APOBEC3D: variants seen among roughly 807,000 people sequenced by gnomAD.
The protein encoded by APOBEC3D is apolipoprotein B mRNA editing enzyme catalytic subunit 3D, also known as DNA dC->dU-editing enzyme APOBEC-3D.
A neutral mutation model predicts 45.6 loss-of-function variants in APOBEC3D; 37 were observed. The observed-to-expected ratio is 0.81, with a 90% CI of 0.62 to 1.07. The LOEUF is 1.07. Among genes scored for constraint, APOBEC3D ranks in the 50% least tolerant of loss-of-function variants. The pLI, the probability that APOBEC3D is intolerant of heterozygous loss-of-function variation, is 0.00. For synonymous variants in APOBEC3D, 175 were observed against 180.7 expected (o/e 0.97, Z 0.25); for missense variants, 496 against 495.3 (o/e 1.00, Z -0.01).
Position 39,029,352 on chromosome 22 carries a change from T to A in APOBEC3D, c.606-11T>A, listed in dbSNP as rs777893956. 6.2e-7 allele frequency: 1 copy of A among 1,614,056 alleles called. No homozygotes were observed. The highest frequency in any genetic ancestry group is 8.5e-7 in the Non-Finnish European group (1 of 1,179,938). The stretch of plus-strand genomic sequence containing the variant: ...AATCTCTGCACTGGGGTTTCTCTCT[T>A]GTGCCCTCAGAAACCCGATGGAGGC... On this transcript the variant is annotated splice_polypyrimidine_tract_variant and intron_variant, in intron 4 of 6. Coordinates refer to ENST00000216099, the MANE Select transcript of APOBEC3D (RefSeq NM_152426.4).
rs561421202 is a variant in APOBEC3D at position 39,028,987 on chromosome 22, G to A, written c.606-376G>A. 5.8e-4 allele frequency among the ~76,000 whole-genome samples: 89 copies of A among 152,222 alleles called. 1 individual carries two copies. The South Asian group carries it at 0.011, about 20-fold the overall frequency. The stretch of plus-strand genomic sequence containing the variant: ...TATAAAAATAATCATCATCATCATC[G>A]GACAGGTGAAATGTGAGGAAGGAAT... On this transcript the variant is annotated intron_variant, in intron 4 of 6. Transcript: ENST00000216099.
chr22:39,021,660 C>T lies in APOBEC3D; in HGVS notation c.17+124C>T, dbSNP rs1925123005. ...CCTGGACTTCCTTCCCTCTGGCTTC[C>T]CTGCCGCCCCCACTCCCAGCCAGAC... On this transcript the variant is annotated intron_variant, in intron 1 of 6. Coordinates refer to ENST00000216099, the MANE Select transcript of APOBEC3D (RefSeq NM_152426.4). The T allele has an allele frequency of 5.9e-6, 8 of 1,349,674 alleles. No individual in the cohort carries two copies. The South Asian group carries it at 8.4e-5, about 14-fold the overall frequency. 83.6% of individuals were successfully genotyped at this position (1,349,674 alleles called of 1,614,324 possible).
chr22:39,032,331 C>G lies in APOBEC3D; in HGVS notation c.*15C>G. The G allele has an allele frequency of 1.2e-6, 2 of 1,613,076 alleles. No individual in the cohort carries two copies. Among genetic ancestry groups the G allele is most frequent in the Non-Finnish European group, 1.7e-6 (2 of 1,179,466 alleles). On this transcript the variant is annotated 3_prime_UTR_variant, in exon 7 of 7. Coordinates refer to ENST00000216099, the MANE Select transcript of APOBEC3D (RefSeq NM_152426.4). ...TTCTCCAGTGAGGGGTCTCCCTGGG[C>G]CTCATGGTCTGTCTCTTCTAGCCTC...
chr22:39,031,094 G>A (rs1340796341), intron 5 of APOBEC3D, among the ~76,000 whole-genome samples: 3 of 151,904 alleles, frequency 2.0e-5, no homozygotes, highest in African/African-American at 4.8e-5. Context: ...TGAACCCAAG[G>A]GGCAGAAGTT....
intron 5 of APOBEC3D, 121 bp downstream of exon 5, chr22:39,029,640 T>TA: frequency 1.3e-5 from 15 of 1,143,564 alleles, no homozygotes; most frequent in Non-Finnish European, 1.7e-5. Context: ...TACATTTCTT[T>TA]CTTTTTTTTT....
chr22:39,031,224 T>C (rs1200078679), intron 5 of APOBEC3D, among the ~76,000 whole-genome samples: 1 of 151,768 alleles, frequency 6.6e-6, no homozygotes, highest in East Asian at 1.9e-4. Flanking sequence ...GGAAACTCAA[T>C]GAATAAAACG....
intron 4 of APOBEC3D, among the ~76,000 whole-genome samples, chr22:39,025,923 C>T (rs1399099053): frequency 6.6e-6 from 1 of 152,184 alleles, no homozygotes; most frequent in Non-Finnish European, 1.5e-5. Flanking sequence ...AGGCTGCCCT[C>T]CCCACAGCCT....
rs763859536 is a variant in APOBEC3D at position 39,031,951 on chromosome 22, C to T, written c.1020C>T (p.Ser340=). 46 of 1,614,012 alleles carry T rather than the reference C, an allele frequency of 2.9e-5. No individual in the cohort carries two copies. The highest frequency in any genetic ancestry group is 3.2e-5 in the Non-Finnish European group (38 of 1,180,034). The change falls in exon 6 of 7, where the codon TCC becomes TCT. Residue 340 remains serine, a synonymous_variant. Transcript: ENST00000216099. ...GCAGCCTGAGTCAGGAAGGGGCCTC[C>T]GTGAAGATCATGGGCTACAAAGGTG... is the stretch of plus-strand genomic sequence containing the variant. The part of the protein sequence containing the change: ...GLCSLSQEGA[S]VKIMGYKDFV...
intron 1 of APOBEC3D, among the ~76,000 whole-genome samples, chr22:39,022,148 A>G (rs1378037339): frequency 6.6e-6 from 1 of 152,234 alleles, no homozygotes; most frequent in Non-Finnish European, 1.5e-5. Flanking sequence ...AAATGCTCTT[A>G]TTTTAAATTT....
chr22:39,027,538 G>A (rs183583104), intron 4 of APOBEC3D, among the ~76,000 whole-genome samples: 88 of 152,298 alleles, frequency 5.8e-4, no homozygotes, highest in African/African-American at 1.9e-3. Context: ...CAGCGCAGGT[G>A]TCTCCTGGAA....
chr22:39,023,848 T>G (rs6001388), intron 2 of APOBEC3D, among the ~76,000 whole-genome samples: 5,211 of 152,134 alleles, frequency 0.034, 308 homozygotes, highest in African/African-American at 0.12. Flanking sequence ...CTCATCACAG[T>G]TTGGTGAACC....
Position 39,031,854 on chromosome 22 carries a change from G to A in APOBEC3D, c.923G>A (p.Ser308Asn). Residue 308 changes from serine (S) to asparagine (N), a missense_variant, in exon 6 of 7, where the codon AGC (serine) becomes AAC (asparagine). Transcript: ENST00000216099. Reference sequence around the variant, plus strand: ...GTGGCCGAGTTCCTGGCCAGGCACAGCAACGTGAATCTCACCATCTTCACC... The same window carrying A: ...GTGGCCGAGTTCCTGGCCAGGCACAACAACGTGAATCTCACCATCTTCACC... ...GEVAEFLARHSNVNLTIFTAR... is the reference protein window; with the variant it reads ...GEVAEFLARHNNVNLTIFTAR... 1 of 1,614,192 alleles carries A rather than the reference G, an allele frequency of 6.2e-7. No homozygotes were observed. Among genetic ancestry groups the A allele is most frequent in the African/African-American group, 1.3e-5 (1 of 75,044 alleles).
chr22:39,031,818 G>A lies in APOBEC3D; in HGVS notation c.887G>A (p.Cys296Tyr). ...WYTSWSPCPE[C>Y]AGEVAEFLAR... ...ACATCTTGGAGCCCTTGCCCAGAGT[G>A]TGCAGGGGAGGTGGCCGAGTTCCTG... is the stretch of plus-strand genomic sequence containing the variant. Residue 296 changes from cysteine (C) to tyrosine (Y), a missense_variant, in exon 6 of 7, where the codon TGT (cysteine) becomes TAT (tyrosine). Transcript: ENST00000216099. The A allele has an allele frequency of 3.7e-6, 6 of 1,614,084 alleles. No homozygotes were observed. The highest frequency in any genetic ancestry group is 5.1e-6 in the Non-Finnish European group (6 of 1,180,016).
intron 2 of APOBEC3D, among the ~76,000 whole-genome samples, chr22:39,024,011 G>C (rs1296368035): frequency 6.6e-6 from 1 of 152,106 alleles, no homozygotes; most frequent in Non-Finnish European, 1.5e-5. Flanking sequence ...GCCTACAGCG[G>C]TGCTGGCCAC....
intron 6 of APOBEC3D, 96 bp downstream of exon 6, chr22:39,032,069 A>T (rs1926279717): frequency 3.8e-6 from 6 of 1,588,150 alleles, no homozygotes; most frequent in Non-Finnish European, 5.1e-6. Context: ...TGTCCCCGGG[A>T]AGCCTGCAGG....
Position 39,022,887 on chromosome 22 carries a change from A to G in APOBEC3D, c.83A>G (p.Tyr28Cys), listed in dbSNP as rs1357919733. 5.0e-6 allele frequency: 8 copies of G among 1,613,188 alleles called. No homozygotes were observed. Among genetic ancestry groups the G allele is most frequent in the South Asian group, 2.2e-5 (2 of 91,028 alleles). The change falls in exon 2 of 7, where the codon TAT becomes TGT. Residue 28 changes from tyrosine (Y) to cysteine (C), a missense_variant. By Grantham distance (194) the Tyr-to-Cys change is radical. Transcript: ENST00000216099. ...YDNFENEPIL[Y>C]GRSYTWLCYE... ...AACTTTGAAAACGAACCCATCCTCT[A>G]TGGTCGGAGCTACACTTGGCTGTGC... is the stretch of plus-strand genomic sequence containing the variant.
rs778585976 is a variant in APOBEC3D, at chr22:39,022,948, C to A, written c.144C>A (p.Leu48=). The change falls in exon 2 of 7, where the codon CTC becomes CTA. Residue 48 remains leucine, a synonymous_variant. Coordinates refer to ENST00000216099, the MANE Select transcript of APOBEC3D (RefSeq NM_152426.4). The stretch of plus-strand genomic sequence containing the variant: ...AAATAAAGAGGGGCCGCTCAAATCT[C>A]CTTTGGGACACAGGGGTCTTTCGAG... The part of the protein sequence containing the change: ...EVKIKRGRSN[L]LWDTGVFRGP... The A allele has an allele frequency of 1.2e-6, 2 of 1,613,934 alleles. No individual in the cohort carries two copies. Among genetic ancestry groups the A allele is most frequent in the East Asian group, 2.2e-5 (1 of 44,868 alleles).
chr22:39,029,591 A>C (rs1926005728), intron 5 of APOBEC3D, 72 bp downstream of exon 5: 1 of 1,573,680 alleles, frequency 6.4e-7, no homozygotes, highest in African/African-American at 1.4e-5. Context: ...ACAATACGTG[A>C]CGTGCCCCGC....
chr22:39,031,548 C>A (rs1231339308), intron 5 of APOBEC3D, 146 bp from the exon 6 acceptor site: 12 of 1,265,352 alleles, frequency 9.5e-6, no homozygotes, highest in Non-Finnish European at 1.3e-5. Flanking sequence ...CCAGCTTGGG[C>A]AACAGGAGAG....
Sources: allele counts gnomAD v4.1 joint callset (sites outside exome capture counted in the v4.1 genomes callset), GRCh38; gene constraint gnomAD v4.1.1; transcripts MANE v1.5; gene names NCBI Gene and HGNC (gene_info 2026-07-23, HGNC 2026-07-21).